Variants in AKNA observed in about 807,000 individuals in gnomAD.
AKNA encodes AT-hook transcription factor.
Under a neutral mutation model 138.8 loss-of-function variants are expected in AKNA, and 67 were observed. The observed-to-expected ratio is 0.48, with a 90% CI of 0.40 to 0.59. The LOEUF (loss-of-function observed/expected upper bound fraction) is 0.59. AKNA is among the 20% of genes least tolerant of loss of function. The pLI, the probability that AKNA is intolerant of heterozygous loss-of-function variation, is 0.00. For synonymous variants in AKNA, 737 were observed against 754.4 expected (o/e 0.98, Z 0.38); for missense variants, 1,813 against 1,880.4 (o/e 0.96, Z 0.66).
At chr9:114,372,334 G>A (rs927145448) in intron 4 of AKNA, among the ~76,000 whole-genome samples, 3 of 151,948 alleles carry the variant, frequency 2.0e-5, no homozygotes, top group African/African-American at 7.3e-5. Flanking sequence ...GACTACACAT[G>A]GGGGGGACCC....
At chr9:114,374,299 G>T (rs1387781278) in intron 3 of AKNA, 132 bp from the exon 4 acceptor site, 2 of 852,480 alleles carry the variant, frequency 2.3e-6, no homozygotes, top group Non-Finnish European at 1.9e-6. Context: ...TCAATGGTGG[G>T]ATCCGAGCTG....
Position 114,375,320 on chromosome 9 carries a change from G to A in AKNA, c.1341+1146C>T, listed in dbSNP as rs564788407. ...TGAATTGCACGGCAGAAGTAAGAAG[G>A]AGGACGGACTAAGAGAGTAAAAGAG... On this transcript the variant is annotated intron_variant, in intron 3 of 21. Transcript: ENST00000374088. 9.2e-5 allele frequency among the ~76,000 whole-genome samples: 14 copies of A among 152,324 alleles called. No homozygotes were observed. In the East Asian group the frequency reaches 2.7e-3, roughly 29 times the overall value.
At position 114,359,954 on chromosome 9, in the gene AKNA, C is replaced by A. The variant is rs1025798014; in HGVS notation, c.2233G>T (p.Ala745Ser). The A allele has an allele frequency of 6.2e-7, 1 of 1,614,196 alleles. No individual in the cohort carries two copies. Among genetic ancestry groups the A allele is most frequent in the South Asian group, 1.1e-5 (1 of 91,088 alleles). Residue 745 changes from alanine (A) to serine (S), a missense_variant, in exon 10 of 22, where the codon GCC (alanine) becomes TCC (serine). Transcript: ENST00000374088. Reference sequence around the variant, plus strand: ...TGCAGCTCCTTGTGCCTGAGTCGGGCCAGGGGGTCCTGTGGCCTGTCCTCC... The same window carrying A: ...TGCAGCTCCTTGTGCCTGAGTCGGGACAGGGGGTCCTGTGGCCTGTCCTCC... ...EVEDRPQDPLARLRHKELQME... is the reference protein window; with the variant it reads ...EVEDRPQDPLSRLRHKELQME...
intron 18 of AKNA, chr9:114,344,247 C>T (rs1181775307): frequency 5.6e-6 from 1 of 179,766 alleles, no homozygotes; most frequent in East Asian, 1.8e-4. Context: ...GGCACAGGGT[C>T]AGTGGTGTTT....
At chr9:114,333,786 T>C (rs1829902067), downstream of AKNA, among the ~76,000 whole-genome samples, 1 of 150,298 alleles carries the variant, frequency 6.7e-6, no homozygotes, top group African/African-American at 2.5e-5. Context: ...GAGGATGCAT[T>C]TGAGTAACCT....
At chr9:114,396,885 A>G (rs1290438613), upstream of AKNA, 2 of 152,200 alleles carry the variant, frequency 1.3e-5, no homozygotes, top group Non-Finnish European at 2.9e-5. Flanking sequence ...GAATGCTTTA[A>G]AAATACTTTT....
rs370740104 is a variant in AKNA at position 114,341,607 on chromosome 9, C to T, written c.3993G>A (p.Ala1331=). 169 of 1,613,668 alleles carry T rather than the reference C, an allele frequency of 1.0e-4. No individual in the cohort carries two copies. Among genetic ancestry groups the T allele is most frequent in the Non-Finnish European group, 1.3e-4 (148 of 1,179,932 alleles). ...PPPGLWYLAT[A]PPAPAPPAFA... is the part of the protein sequence containing the mutation. The stretch of plus-strand genomic sequence containing the variant: ...AGGCTGGAGGGGCTGGTGCTGGGGG[C>T]GCTGTTGCCAGATACCACAGTCCGG... The change falls in exon 21 of 22, where the codon GCG becomes GCA. Residue 1331 remains alanine (A), a synonymous_variant. Coordinates refer to ENST00000374088, the MANE Select transcript of AKNA (RefSeq NM_001317950.2).
intron 5 of AKNA, 64 bp downstream of exon 5, chr9:114,368,375 A>G: frequency 7.7e-7 from 1 of 1,303,040 alleles, no homozygotes; most frequent in Non-Finnish European, 9.8e-7. Flanking sequence ...GAACCAAGTC[A>G]GTCCCACAGA....
intron 1 of AKNA, among the ~76,000 whole-genome samples, chr9:114,394,065 C>G (rs10982196): frequency 5.3e-5 from 8 of 151,862 alleles, no homozygotes; most frequent in Admixed American, 2.6e-4. Flanking sequence ...CCCAGCTACT[C>G]GGGAGACTGA....
chr9:114,345,182 T>G (rs939912080), intron 18 of AKNA: 4 of 151,892 alleles, frequency 2.6e-5, no homozygotes, highest in Non-Finnish European at 5.9e-5. Context: ...GTTCAAGAGA[T>G]TCTTGTGCCT....
chr9:114,356,866 A>T lies in AKNA; in HGVS notation c.2843T>A (p.Ile948Asn). Residue 948 changes from isoleucine (I) to asparagine (N), a missense_variant, in exon 13 of 22, where the codon ATC (isoleucine) becomes AAC (asparagine). Physicochemically the swap from Ile to Asn is moderately radical, Grantham distance 149. Transcript: ENST00000374088. ...CAATGGCGGGATCCCGGGATACCTG[A>T]TGTGGGAGAGCCGGTGCTCTGGAGT... ...TQTPEHRLSH[I>N]STAGTLAQPF... 6.5e-7 allele frequency: 1 copy of T among 1,546,946 alleles called. No homozygotes were observed. Among genetic ancestry groups the T allele is most frequent in the Non-Finnish European group, 8.7e-7 (1 of 1,155,462 alleles).
At chr9:114,341,010 T>C (rs1169600413) in intron 21 of AKNA, among the ~76,000 whole-genome samples, 1 of 152,184 alleles carries the variant, frequency 6.6e-6, no homozygotes, top group Non-Finnish European at 1.5e-5. Context: ...TGTATGGATA[T>C]TGCTTCACTA....
chr9:114,359,622 C>G lies in AKNA; in HGVS notation c.2464G>C (p.Ala822Pro), dbSNP rs984063309. ...AGGGGAGCCCCATGACTTTTCTCAGCCTGCACCGGGCACTGCCTTGGGAGG... is the reference window on the plus strand; with the variant it reads ...AGGGGAGCCCCATGACTTTTCTCAGGCTGCACCGGGCACTGCCTTGGGAGG... ...RVLPRQCPVQ[A>P]EKSHGAPLEE... Residue 822 changes from alanine to proline, a missense_variant, in exon 11 of 22, where the codon GCT becomes CCT. Physicochemically the swap from Ala to Pro is conservative, Grantham distance 27. Transcript: ENST00000374088. 1.2e-6 allele frequency: 2 copies of G among 1,609,584 alleles called. No homozygotes were observed. Among genetic ancestry groups the G allele is most frequent in the South Asian group, 1.1e-5 (1 of 91,070 alleles).
chr9:114,391,297 A>G (rs1834329426), upstream of AKNA, among the ~76,000 whole-genome samples: 1 of 152,260 alleles, frequency 6.6e-6, no homozygotes. Flanking sequence ...TAAAATCGAG[A>G]GTGGAGCTTC....
intron 4 of AKNA, among the ~76,000 whole-genome samples, chr9:114,369,493 G>T (rs1832607185): frequency 6.6e-6 from 1 of 152,078 alleles, no homozygotes; most frequent in African/African-American, 2.4e-5. Flanking sequence ...TAGCATGTGG[G>T]CTCTGCAGCT....
chr9:114,359,727 C>G lies in AKNA; in HGVS notation c.2359G>C (p.Glu787Gln). The G allele has an allele frequency of 6.2e-7, 1 of 1,607,984 alleles. No individual in the cohort carries two copies. Among genetic ancestry groups the G allele is most frequent in the East Asian group, 2.2e-5 (1 of 44,858 alleles). ...MEEEEEGEEE[E>Q]EEEGGGDSLE... ...GAGTCACCTCCCCCCTCTTCCTCCT[C>G]CTCCTCCTCTCCTTCTTCCTCCTCC... The change falls in exon 11 of 22, where the codon GAG becomes CAG. Residue 787 changes from glutamate (E) to glutamine (Q), a missense_variant. By Grantham distance (29) the Glu-to-Gln change is conservative (BLOSUM62 2). Coordinates refer to ENST00000374088, the MANE Select transcript of AKNA (RefSeq NM_001317950.2).
intron 19 of AKNA, among the ~76,000 whole-genome samples, chr9:114,342,993 C>T (rs561375852): frequency 6.6e-6 from 1 of 152,346 alleles, no homozygotes; most frequent in Non-Finnish European, 1.5e-5. Context: ...GGGTTCAAAT[C>T]CTGCTTCTAC....
chr9:114,385,591 A>T (rs1050914120), intron 1 of AKNA, among the ~76,000 whole-genome samples: 2 of 152,236 alleles, frequency 1.3e-5, no homozygotes, highest in Admixed American at 1.3e-4. Flanking sequence ...AAAGAGGAAC[A>T]TCCTGTCTTC....
At chr9:114,381,502 T>C in intron 1 of AKNA, 56 bp from the exon 2 acceptor site, 1 of 1,309,766 alleles carries the variant, frequency 7.6e-7, no homozygotes, top group Non-Finnish European at 9.7e-7. Flanking sequence ...CCTCTTTTAT[T>C]CGGAACAAGA....
Sources: allele counts gnomAD v4.1 joint callset (sites outside exome capture counted in the v4.1 genomes callset), GRCh38; gene constraint gnomAD v4.1.1; transcripts MANE v1.5; gene names NCBI Gene and HGNC (gene_info 2026-07-23, HGNC 2026-07-21).